The following VTI1A variants were observed in gnomAD, a reference collection of about 807,000 sequenced individuals.
The protein encoded by VTI1A is vesicle transport through interaction with t-SNAREs 1A.
VTI1A carries 22 observed loss-of-function variants against 34.9 expected under a neutral mutation model. That is an observed-to-expected ratio of 0.63 (90% CI 0.45 to 0.90). The LOEUF (loss-of-function observed/expected upper bound fraction) is 0.90. Among genes scored for constraint, VTI1A ranks in the 40% least tolerant of loss-of-function variants. VTI1A has a pLI of 0.00. For synonymous variants in VTI1A, 87 were observed against 97.3 expected (o/e 0.89, Z 0.62); for missense variants, 268 against 275.6 (o/e 0.97, Z 0.20).
chr10:112,620,403 G>A (rs544759906), intron 5 of VTI1A, among the ~76,000 whole-genome samples: 5 of 152,276 alleles, frequency 3.3e-5, no homozygotes, highest in Admixed American at 2.0e-4. Flanking sequence ...CTACAACAGA[G>A]GTGGAAACTA....
At chr10:112,588,564 C>A (rs1365555322) in intron 5 of VTI1A, among the ~76,000 whole-genome samples, 1 of 152,092 alleles carries the variant, frequency 6.6e-6, no homozygotes, top group East Asian at 1.9e-4. Context: ...AATAATAACC[C>A]CGTCTTACAA....
At chr10:112,821,087 G>A (rs1172648283), downstream of VTI1A, among the ~76,000 whole-genome samples, 3 of 152,162 alleles carry the variant, frequency 2.0e-5, no homozygotes, top group East Asian at 1.9e-4. Context: ...CTCGTTACTC[G>A]TGCTACATGA....
chr10:112,854,448 A>G, the VTI1A span, among the ~76,000 whole-genome samples: 1 of 152,142 alleles, frequency 6.6e-6, no homozygotes, highest in Non-Finnish European at 1.5e-5. Flanking sequence ...ACCACTATAG[A>G]TGTCTCTAAT....
intron 3 of VTI1A, among the ~76,000 whole-genome samples, chr10:112,505,831 A>T (rs1849410736): frequency 6.6e-6 from 1 of 151,910 alleles, no homozygotes; most frequent in African/African-American, 2.4e-5. Flanking sequence ...GTGCCACCAC[A>T]CCTGGCTAAT....
At chr10:112,623,229 C>G (rs1845794937) in intron 5 of VTI1A, among the ~76,000 whole-genome samples, 1 of 152,074 alleles carries the variant, frequency 6.6e-6, no homozygotes, top group African/African-American at 2.4e-5. Context: ...ACACTTTATC[C>G]TTCTTAAGTA....
At chr10:112,537,959 G>A (rs929040525) in intron 4 of VTI1A, among the ~76,000 whole-genome samples, 2 of 152,070 alleles carry the variant, frequency 1.3e-5, no homozygotes, top group African/African-American at 2.4e-5. Flanking sequence ...GATCCAGTTG[G>A]GTATGGTCTT....
intron 5 of VTI1A, among the ~76,000 whole-genome samples, chr10:112,631,411 T>G (rs569087004): frequency 1.3e-5 from 2 of 152,288 alleles, no homozygotes; most frequent in African/African-American, 4.8e-5. Flanking sequence ...CGTTAGGCAG[T>G]TGCTCCCCTT....
At chr10:112,789,731 C>CT (rs1360156411) in intron 7 of VTI1A, among the ~76,000 whole-genome samples, 1 of 152,038 alleles carries the variant, frequency 6.6e-6, no homozygotes, top group Non-Finnish European at 1.5e-5. Flanking sequence ...CCGTTTGGCT[C>CT]TTTTTTATAA....
chr10:112,661,987 G>A (rs1847479279), intron 5 of VTI1A, among the ~76,000 whole-genome samples: 1 of 152,000 alleles, frequency 6.6e-6, no homozygotes, highest in Admixed American at 6.6e-5. Flanking sequence ...GACCAGGCTG[G>A]TCTTGAACTC....
At chr10:112,559,102 C>A (rs1851632398) in intron 5 of VTI1A, among the ~76,000 whole-genome samples, 1 of 152,116 alleles carries the variant, frequency 6.6e-6, no homozygotes, top group East Asian at 1.9e-4. Flanking sequence ...ACCATCCTCT[C>A]CAAATAATTC....
intron 3 of VTI1A, among the ~76,000 whole-genome samples, chr10:112,506,536 C>G (rs1273718137): frequency 2.0e-5 from 3 of 152,144 alleles, no homozygotes; most frequent in Non-Finnish European, 4.4e-5. Context: ...TATCATATTA[C>G]TTCCTGGATA....
intron 7 of VTI1A, among the ~76,000 whole-genome samples, chr10:112,699,975 C>T (rs774199106): frequency 4.2e-4 from 64 of 150,678 alleles, no homozygotes; most frequent in Non-Finnish European, 7.1e-4. Flanking sequence ...AAAAATTAGC[C>T]GGGTATGGTG....
intron 4 of VTI1A, 107 bp from the exon 5 acceptor site, chr10:112,538,139 C>A: frequency 2.3e-6 from 2 of 852,118 alleles, no homozygotes; most frequent in Non-Finnish European, 3.7e-6. Context: ...GGGTTGCGAA[C>A]CCCCCCACCC....
chr10:112,476,579 A>G (rs1039549615), intron 3 of VTI1A, among the ~76,000 whole-genome samples: 16 of 152,176 alleles, frequency 1.1e-4, no homozygotes, highest in African/African-American at 3.9e-4. Flanking sequence ...ATGGCTCAGT[A>G]TGGTAGTGAT....
At chr10:112,502,314 G>A (rs1209137686) in intron 3 of VTI1A, among the ~76,000 whole-genome samples, 3 of 151,942 alleles carry the variant, frequency 2.0e-5, no homozygotes, top group Non-Finnish European at 2.9e-5. Context: ...GATTACAGGC[G>A]TGAACTACTA....
At chr10:112,495,063 A>G (rs1848962294) in intron 3 of VTI1A, among the ~76,000 whole-genome samples, 1 of 152,110 alleles carries the variant, frequency 6.6e-6, no homozygotes, top group Admixed American at 6.5e-5. Flanking sequence ...AACTGATGGA[A>G]ATGTGTCTTT....
At chr10:112,815,139 G>A (rs631578) in intron 7 of VTI1A, 151 bp from the exon 8 acceptor site, 32,848 of 180,370 alleles carry the variant, frequency 0.18, 3,471 homozygotes, top group African/African-American at 0.35. Context: ...TTTCGCGCGC[G>A]CACACACACA....
intron 3 of VTI1A, among the ~76,000 whole-genome samples, chr10:112,522,683 A>G (rs1850070165): frequency 6.6e-6 from 1 of 152,058 alleles, no homozygotes; most frequent in Non-Finnish European, 1.5e-5. Context: ...ATGCCTTTTG[A>G]GATGGTTTCC....
chr10:112,561,076 TA>T (rs1325803837), intron 5 of VTI1A, among the ~76,000 whole-genome samples: 1 of 152,152 alleles, frequency 6.6e-6, no homozygotes, highest in East Asian at 1.9e-4. Flanking sequence ...TCAAAAAAAA[TA>T]TTTTTTTAAA....
Sources: allele counts gnomAD v4.1 joint callset (sites outside exome capture counted in the v4.1 genomes callset), GRCh38; gene constraint gnomAD v4.1.1; transcripts MANE v1.5; gene names NCBI Gene and HGNC (gene_info 2026-07-23, HGNC 2026-07-21).